The following CFLAR variants were observed in gnomAD, a reference collection of about 807,000 sequenced individuals.
The protein encoded by CFLAR is CASP8 and FADD like apoptosis regulator.
A neutral mutation model predicts 51.1 loss-of-function variants in CFLAR; 14 were observed. The ratio of observed to expected loss-of-function variants is 0.27; its 90% CI spans 0.18 to 0.43. The LOEUF (loss-of-function observed/expected upper bound fraction) is 0.43. Ranked by LOEUF, CFLAR falls within the 20% of genes least tolerant of loss-of-function variation. The pLI is 1.00. For missense variants in CFLAR, 390 were observed against 566.5 expected (o/e 0.69, Z 3.16); for synonymous variants, 210 against 211.6 (o/e 0.99, Z 0.06).
chr2:201,129,831 A>C lies in CFLAR; in HGVS notation c.-35A>C. ...GTTGACTGGCCCGGAGCTGTACTGC[A>C]AGACCCTTGTGAGCTTCCCTAGTCT... On this transcript the variant is annotated 5_prime_UTR_variant, in exon 2 of 10. Transcript: ENST00000309955. 6.2e-7 allele frequency: 1 copy of C among 1,605,870 alleles called. No individual in the cohort carries two copies. Among genetic ancestry groups the C allele is most frequent in the East Asian group, 2.2e-5 (1 of 44,800 alleles).
At chr2:201,127,688 T>A (rs1435688189) in intron 1 of CFLAR, among the ~76,000 whole-genome samples, 1 of 152,162 alleles carries the variant, frequency 6.6e-6, no homozygotes, top group Non-Finnish European at 1.5e-5. Flanking sequence ...ACGCTGCTAT[T>A]TTGTTGCATC....
At position 201,145,776 on chromosome 2, in the gene CFLAR, G is replaced by T. The variant is rs564435471; in HGVS notation, c.661+344G>T. ...ACCATGTTAAACCAAATATCTAGCAGCAGGAAGAGGAATGGTAAATAAGTT... is the reference window on the plus strand; with the variant it reads ...ACCATGTTAAACCAAATATCTAGCATCAGGAAGAGGAATGGTAAATAAGTT... On this transcript the variant is annotated intron_variant, in intron 6 of 9. Transcript: ENST00000309955. 1.9e-3 allele frequency: 360 copies of T among 189,266 alleles called. 1 individual carries two copies. Among genetic ancestry groups the T allele is most frequent in the African/African-American group, 7.8e-3 (331 of 42,666 alleles). 11.7% of individuals were successfully genotyped at this position (189,266 alleles called of 1,614,324 possible).
chr2:201,148,698 A>T (rs772991063), intron 6 of CFLAR: 3 of 312,112 alleles, frequency 9.6e-6, no homozygotes, highest in Non-Finnish European at 1.9e-5. Flanking sequence ...AGATTCTCCT[A>T]TCAAGTTAAA....
At chr2:201,130,315 T>C (rs1156481392) in intron 2 of CFLAR, among the ~76,000 whole-genome samples, 169 bp downstream of exon 2, 2 of 151,880 alleles carry the variant, frequency 1.3e-5, no homozygotes, top group Non-Finnish European at 2.9e-5. Context: ...CCCTTTAAAT[T>C]CTTGAAACTT....
In CFLAR at chr2:201,132,963, G is replaced by A. The variant is rs1575660148; in HGVS notation, c.282-66G>A. On this transcript the variant is annotated intron_variant, in intron 2 of 9. Transcript: ENST00000309955. ...TAATCCATTGTTGCATAGGGGAGGC[G>A]TGGGCACTTGGAGTTGTCTTAGGAC... The A allele has an allele frequency of 1.4e-5, 22 of 1,555,798 alleles. 1 individual carries two copies. Among genetic ancestry groups the A allele is most frequent in the South Asian group, 1.3e-4 (11 of 86,806 alleles).
intron 8 of CFLAR, chr2:201,154,485 A>G (rs1476963222): frequency 1.3e-5 from 2 of 152,266 alleles, no homozygotes; most frequent in African/African-American, 2.4e-5. Flanking sequence ...CTGGACTCCA[A>G]AACCTATGCT....
chr2:201,174,733 A>G lies in CFLAR; in HGVS notation c.*10760A>G, dbSNP rs1490582232. On this transcript the variant is annotated 3_prime_UTR_variant, in exon 10 of 10. Coordinates refer to ENST00000309955, the MANE Select transcript of CFLAR (RefSeq NM_003879.7). ...GGTTTACCTTTCCCTAAATTTTCAT[A>G]TAACTGTTAGGATTCACTTGCAAAT... 4 of 152,118 alleles carry G rather than the reference A, an allele frequency of 2.6e-5. No individual in the cohort carries two copies. Among genetic ancestry groups the G allele is most frequent in the Admixed American group, 1.3e-4 (2 of 15,262 alleles). The allele number at this position is 152,118 out of a possible 1,614,324, so 9.4% of individuals were successfully genotyped here.
intron 4 of CFLAR, 121 bp downstream of exon 4, chr2:201,136,228 C>T (rs762205607): frequency 2.5e-6 from 4 of 1,608,024 alleles, no homozygotes; most frequent in Non-Finnish European, 3.4e-6. Flanking sequence ...ATGACCAAAG[C>T]CTCCTTTAGC....
intron 4 of CFLAR, chr2:201,137,439 A>T: frequency 2.1e-6 from 1 of 481,390 alleles, no homozygotes. Context: ...TGGACCACTC[A>T]GTTATGGAGG....
rs2050510864 is a variant in CFLAR at position 201,138,724 on chromosome 2, G to T, written c.524-1633G>T. 1 of 794,546 alleles carries T rather than the reference G, an allele frequency of 1.3e-6. No homozygotes were observed. Among genetic ancestry groups the T allele is most frequent in the African/African-American group, 1.7e-5 (1 of 59,614 alleles). 49.2% of individuals were successfully genotyped at this position (794,546 alleles called of 1,614,324 possible). On this transcript the variant is annotated intron_variant, in intron 4 of 9. Transcript: ENST00000309955. The surrounding 1 kb of genome is among the most constrained non-coding windows in gnomAD (Gnocchi z 4.0). ...ACCACGGGGTGTGTGATAAAGCCCGGTTCAAACTTCTTGACCTTCTGCACC... is the reference window on the plus strand; with the variant it reads ...ACCACGGGGTGTGTGATAAAGCCCGTTTCAAACTTCTTGACCTTCTGCACC...
At position 201,116,797 on chromosome 2, in the gene CFLAR, G is replaced by C. The variant is rs529669691; in HGVS notation, c.-138+316G>C. On this transcript the variant is annotated intron_variant, in intron 1 of 9. Coordinates refer to ENST00000309955, the MANE Select transcript of CFLAR (RefSeq NM_003879.7). This position sits in a 1 kb window ranked among gnomAD's most constrained non-coding sequence, Gnocchi z 4.8. ...CCGAACCCCCGAACCCCTTCTACCCGCAACTCCGCCCCGGATTCCCAGAAA... is the reference window on the plus strand; with the variant it reads ...CCGAACCCCCGAACCCCTTCTACCCCCAACTCCGCCCCGGATTCCCAGAAA... 4 of 152,284 alleles carry C rather than the reference G, an allele frequency of 2.6e-5. No homozygotes were observed. Among genetic ancestry groups the C allele is most frequent in the Non-Finnish European group, 5.9e-5 (4 of 68,138 alleles). 9.4% of individuals were successfully genotyped at this position (152,284 alleles called of 1,614,324 possible).
At chr2:201,141,371 C>CATAGATAAT in intron 5 of CFLAR, 1 of 1,556,420 alleles carries the variant, frequency 6.4e-7, no homozygotes, top group South Asian at 1.2e-5. Context: ...TTCTCTTCTA[C>CATAGATAAT]AGATGATAAC....
At chr2:201,119,865 G>T (rs1356723227) in intron 1 of CFLAR, among the ~76,000 whole-genome samples, 1 of 144,170 alleles carries the variant, frequency 6.9e-6, no homozygotes. Flanking sequence ...TCACACATGT[G>T]CGCTCTCAAA....
rs1332054458 is a variant in CFLAR, at chr2:201,175,366, G to C, written c.*11393G>C. 6.6e-6 allele frequency: 1 copy of C among 152,386 alleles called. No individual in the cohort carries two copies. Among genetic ancestry groups the C allele is most frequent in the Non-Finnish European group, 1.5e-5 (1 of 68,194 alleles). The allele number at this position is 152,386 out of a possible 1,614,324, so 9.4% of individuals were successfully genotyped here. ...TGGCTGGGCGCAGTGGCTCATGCCT[G>C]TAATCCCAGGACTTTGGGAGGCTGA... On this transcript the variant is annotated 3_prime_UTR_variant, in exon 10 of 10. Coordinates refer to ENST00000309955, the MANE Select transcript of CFLAR (RefSeq NM_003879.7).
In CFLAR at chr2:201,124,219, T is replaced by C. The variant is rs2125619532; in HGVS notation, c.-137-5510T>C. On this transcript the variant is annotated intron_variant, in intron 1 of 9. Transcript: ENST00000309955. This position sits in a 1 kb window ranked among gnomAD's most constrained non-coding sequence, Gnocchi z 4.7. ...TAGTTTGGGGGCAGCGTTGGTGTTCTGTGAGAAAGGTTGAGAGGCCTGACT... is the reference window on the plus strand; with the variant it reads ...TAGTTTGGGGGCAGCGTTGGTGTTCCGTGAGAAAGGTTGAGAGGCCTGACT... 6.6e-6 allele frequency among the ~76,000 whole-genome samples: 1 copy of C among 152,344 alleles called. No individual in the cohort carries two copies. The highest frequency in any genetic ancestry group is 2.1e-4 in the South Asian group (1 of 4,828).
chr2:201,149,599 T>C, intron 7 of CFLAR, 155 bp from the exon 8 acceptor site: 2 of 556,404 alleles, frequency 3.6e-6, no homozygotes, highest in Non-Finnish European at 6.4e-6. Flanking sequence ...TTGATATTAA[T>C]GGGAAACATT....
intron 8 of CFLAR, chr2:201,153,150 C>G (rs560085395): frequency 6.6e-6 from 1 of 152,302 alleles, no homozygotes; most frequent in Admixed American, 6.5e-5. Flanking sequence ...TTGACTCAAG[C>G]CTTCTCTGCC....
chr2:201,161,519 T>C (rs1943008259), intron 9 of CFLAR, among the ~76,000 whole-genome samples: 1 of 151,686 alleles, frequency 6.6e-6, no homozygotes, highest in African/African-American at 2.4e-5. Context: ...GTTCAAGCAG[T>C]TGTCCTGCCT....
At chr2:201,162,798 A>G in intron 9 of CFLAR, 1 of 485,626 alleles carries the variant, frequency 2.1e-6, no homozygotes, top group Non-Finnish European at 3.8e-6. Flanking sequence ...GTTTAACAGT[A>G]GATCACAAAC....
Sources: gnomAD v4.1 joint callset for allele counts (sites outside exome capture counted in the v4.1 genomes callset) on GRCh38, gnomAD v4.1.1 for gene constraint, Gnocchi (gnomAD v3.1) non-coding constraint, MANE v1.5 for transcripts, NCBI Gene and HGNC (gene_info 2026-07-23, HGNC 2026-07-21) for gene names.